Variants in KPNA4 observed in about 807,000 individuals in gnomAD.
KPNA4 encodes importin subunit alpha-3.
A neutral mutation model predicts 71.3 loss-of-function variants in KPNA4; 13 were observed. The observed-to-expected ratio is 0.18, with a 90% confidence interval of 0.12 to 0.29. The LOEUF (loss-of-function observed/expected upper bound fraction) is 0.29. Ranked by LOEUF, KPNA4 falls within the 10% of genes least tolerant of loss-of-function variation. The pLI is 1.00. For synonymous variants in KPNA4, 189 were observed against 195.2 expected (o/e 0.97, Z 0.26); for missense variants, 334 against 603.2 (o/e 0.55, Z 4.67).
At chr3:160,512,325 G>A (rs1721111336) in intron 13 of KPNA4, among the ~76,000 whole-genome samples, 1 of 152,134 alleles carries the variant, frequency 6.6e-6, no homozygotes, top group Non-Finnish European at 1.5e-5. Flanking sequence ...AGAGGTTCCT[G>A]TTGGTCAGGA....
chr3:160,528,316 C>A (rs1721501033), intron 7 of KPNA4, among the ~76,000 whole-genome samples: 1 of 151,834 alleles, frequency 6.6e-6, no homozygotes, highest in Non-Finnish European at 1.5e-5. Context: ...AAGATTAATT[C>A]CTTATAGATT....
chr3:160,536,187 G>A (rs1721690377), intron 2 of KPNA4, among the ~76,000 whole-genome samples: 1 of 151,988 alleles, frequency 6.6e-6, no homozygotes, highest in Non-Finnish European at 1.5e-5. Flanking sequence ...AAAATATAGT[G>A]TACAGTTTAA....
At chr3:160,522,615 G>A (rs1317600517) in intron 10 of KPNA4, among the ~76,000 whole-genome samples, 1 of 152,130 alleles carries the variant, frequency 6.6e-6, no homozygotes, top group Non-Finnish European at 1.5e-5. Flanking sequence ...ATGCCGCAAC[G>A]CCTGGCTAAG....
chr3:160,510,934 T>A (rs2108544506), intron 13 of KPNA4, among the ~76,000 whole-genome samples: 1 of 148,160 alleles, frequency 6.7e-6, no homozygotes, highest in East Asian at 2.1e-4. Context: ...ACTACAGGAA[T>A]GCACCACCAC....
rs75233657 is a variant in KPNA4 at position 160,551,415 on chromosome 3, T to G, written c.69+13799A>C. Reference sequence around the variant, plus strand: ...GGAAGATTCATATGAATTGATGTGATTAGTGAAAACTTAACTGAGTTGTGG... The same window carrying G: ...GGAAGATTCATATGAATTGATGTGAGTAGTGAAAACTTAACTGAGTTGTGG... On this transcript the variant is annotated intron_variant, in intron 1 of 16. Transcript: ENST00000334256. Among the ~76,000 whole-genome samples the G allele has an allele frequency of 7.0e-3, 1,063 of 152,322 alleles. 11 individuals carry two copies. The highest frequency in any genetic ancestry group is 0.011 in the Non-Finnish European group (771 of 68,028).
At chr3:160,560,276 GTTTCTTCTTTAAAA>G (rs1293734912) in intron 1 of KPNA4, among the ~76,000 whole-genome samples, 2 of 152,120 alleles carry the variant, frequency 1.3e-5, no homozygotes, top group South Asian at 4.1e-4. Context: ...AAGCACAAGA[GTTTCTTCTTTAAAA>G]TTTCTTCTTT....
chr3:160,510,516 C>CTAT (rs1299377740), intron 13 of KPNA4, among the ~76,000 whole-genome samples: 1 of 151,980 alleles, frequency 6.6e-6, no homozygotes, highest in African/African-American at 2.4e-5. Context: ...GAATAAGCAA[C>CTAT]TATTAAATAT....
intron 11 of KPNA4, among the ~76,000 whole-genome samples, chr3:160,518,605 A>G (rs1398413342): frequency 6.6e-6 from 1 of 150,462 alleles, no homozygotes; most frequent in Non-Finnish European, 1.5e-5. Flanking sequence ...CACGCCTGCA[A>G]TCCCAGCACT....
At position 160,498,149 on chromosome 3, in the gene KPNA4, G is replaced by GA. The variant is rs1425768584; in HGVS notation, c.*3954dup. 6.6e-6 allele frequency: 1 copy of GA among 152,174 alleles called. No individual in the cohort carries two copies. Among genetic ancestry groups the GA allele is most frequent in the East Asian group, 1.9e-4 (1 of 5,190 alleles). The allele number at this position is 152,174 out of a possible 1,614,324, so 9.4% of individuals were successfully genotyped here. On this transcript the variant is annotated 3_prime_UTR_variant, in exon 17 of 17. Transcript: ENST00000334256. ...ACCTCAACAACTCATCATCTAAAGGGAAGGGTTGGGACAGACTGTAATTCA... is the reference window on the plus strand; with the variant it reads ...ACCTCAACAACTCATCATCTAAAGGGAAAGGGTTGGGACAGACTGTAATTCA...
At chr3:160,520,386 G>C (rs546334077) in intron 11 of KPNA4, among the ~76,000 whole-genome samples, 1 of 151,618 alleles carries the variant, frequency 6.6e-6, no homozygotes, top group East Asian at 1.9e-4. Flanking sequence ...CGAGTAGCTA[G>C]GTCTACAGGC....
At chr3:160,544,537 A>G (rs1721867521) in intron 1 of KPNA4, among the ~76,000 whole-genome samples, 1 of 152,234 alleles carries the variant, frequency 6.6e-6, no homozygotes, top group Non-Finnish European at 1.5e-5. Context: ...TCATGCCAGC[A>G]TGGGTGACAG....
In KPNA4 at chr3:160,553,202, CG is replaced by C. The variant is rs1422530047; in HGVS notation, c.69+12011del. Among the ~76,000 whole-genome samples, 13 of 152,112 alleles carry C rather than the reference CG, an allele frequency of 8.5e-5. No homozygotes were observed. The East Asian group carries it at 2.5e-3, about 29-fold the overall frequency. On this transcript the variant is annotated intron_variant, in intron 1 of 16. Coordinates refer to ENST00000334256, the MANE Select transcript of KPNA4 (RefSeq NM_002268.5). ...CTTGTCTAAAAGAAACTGCTCTTTCCGGGGGTGCTCCTGAAGAAGCAGTCAA... is the reference window on the plus strand; with the variant it reads ...CTTGTCTAAAAGAAACTGCTCTTTCCGGGGTGCTCCTGAAGAAGCAGTCAA...
chr3:160,558,279 A>C (rs7643779), intron 1 of KPNA4, among the ~76,000 whole-genome samples: 76,147 of 152,000 alleles, frequency 0.5, 19,652 homozygotes, highest in Non-Finnish European at 0.55. Context: ...AAGCCTTCCC[A>C]AATTTGTATG....
intron 2 of KPNA4, among the ~76,000 whole-genome samples, chr3:160,536,124 C>A (rs1378018388): frequency 1.3e-5 from 2 of 151,912 alleles, no homozygotes; most frequent in Admixed American, 1.3e-4. Context: ...TTTTAATGAA[C>A]CGTGAACTAT....
chr3:160,536,734 T>C lies in KPNA4; in HGVS notation c.114+62A>G. On this transcript the variant is annotated intron_variant, in intron 2 of 16. Coordinates refer to ENST00000334256, the MANE Select transcript of KPNA4 (RefSeq NM_002268.5). ...AACATAATATATATTTGGCATCTTG[T>C]ATATAATGCTATAATGTTGTTAGAA... is the stretch of plus-strand genomic sequence containing the variant. 5.7e-6 allele frequency: 5 copies of C among 878,510 alleles called. No homozygotes were observed. In the East Asian group the frequency reaches 8.1e-5, roughly 14 times the overall value. 54.4% of individuals were successfully genotyped at this position (878,510 alleles called of 1,614,324 possible).
chr3:160,562,551 G>A (rs185497575), intron 1 of KPNA4, among the ~76,000 whole-genome samples: 1 of 152,270 alleles, frequency 6.6e-6, no homozygotes, highest in East Asian at 1.9e-4. Context: ...GACCAGATAT[G>A]TAAGTAACAA....
chr3:160,530,663 T>C (rs1344494442), intron 7 of KPNA4, among the ~76,000 whole-genome samples, 192 bp downstream of exon 7: 1 of 152,208 alleles, frequency 6.6e-6, no homozygotes, highest in Non-Finnish European at 1.5e-5. Flanking sequence ...AAGTGAATTT[T>C]TGGAAATACA....
At chr3:160,539,089 C>T (rs1721745524) in intron 1 of KPNA4, among the ~76,000 whole-genome samples, 1 of 152,170 alleles carries the variant, frequency 6.6e-6, no homozygotes, top group Non-Finnish European at 1.5e-5. Context: ...TCTTCCCCTA[C>T]TACCTGCAGT....
intron 10 of KPNA4, among the ~76,000 whole-genome samples, chr3:160,522,518 C>T (rs766095512): frequency 2.6e-5 from 4 of 151,842 alleles, no homozygotes; most frequent in Non-Finnish European, 4.4e-5. Flanking sequence ...AGTGCAGCAG[C>T]GCGATCTCGG....
Sources: allele counts gnomAD v4.1 joint callset (sites outside exome capture counted in the v4.1 genomes callset), GRCh38; gene constraint gnomAD v4.1.1; transcripts MANE v1.5; gene names NCBI Gene and HGNC (gene_info 2026-07-23, HGNC 2026-07-21).